NHSL2: variants seen among roughly 807,000 people sequenced by gnomAD.
NHSL2 encodes NHS like 2.
In NHSL2, 27 loss-of-function variants were observed where a neutral mutation model predicts 53.4. The ratio of observed to expected loss-of-function variants is 0.51; its 90% CI spans 0.37 to 0.70. NHSL2 has a LOEUF of 0.70. Ranked by LOEUF, NHSL2 falls within the 30% of genes least tolerant of loss-of-function variation. NHSL2 has a pLI of 0.00. For missense variants in NHSL2, 892 were observed against 980.1 expected, an observed-to-expected ratio of 0.91 and a Z score of 1.20; for synonymous variants, 408 against 404.1, an observed-to-expected ratio of 1.01 and a Z score of -0.12.
At chrX:72,076,036 C>T (rs781426174) in intron 1 of NHSL2, among the ~76,000 whole-genome samples, 1 of 110,627 alleles carries the variant, frequency 9.0e-6, no homozygotes, top group Non-Finnish European at 1.9e-5. Flanking sequence ...TGGGTTCAAG[C>T]GATTCTCCTG....
chrX:72,004,820 A>G (rs1011777135), intron 1 of NHSL2, among the ~76,000 whole-genome samples: 5 of 107,244 alleles, frequency 4.7e-5, no homozygotes, highest in Non-Finnish European at 9.7e-5. Context: ...CAGCAAGATA[A>G]TGTCTGAGAA....
At chrX:71,995,440 A>T (rs1038583366) in intron 1 of NHSL2, among the ~76,000 whole-genome samples, 1 of 106,051 alleles carries the variant, frequency 9.4e-6, no homozygotes, top group African/African-American at 3.3e-5. Flanking sequence ...ACTCTATCTG[A>T]CCCCCTGACC....
At chrX:72,015,460 T>C (rs1412510062) in intron 1 of NHSL2, among the ~76,000 whole-genome samples, 1 of 112,570 alleles carries the variant, frequency 8.9e-6, no homozygotes, top group African/African-American at 3.2e-5. Flanking sequence ...AATCTTTCAA[T>C]AAACATCCAT....
At chrX:72,113,490 A>G (rs1254127911) in intron 1 of NHSL2, among the ~76,000 whole-genome samples, 4 of 112,012 alleles carry the variant, frequency 3.6e-5, no homozygotes, top group Non-Finnish European at 1.9e-5. Context: ...ATTAGAGGGA[A>G]CTTACTTACA....
At chrX:72,090,701 C>T (rs2041888937) in intron 1 of NHSL2, among the ~76,000 whole-genome samples, 1 of 111,155 alleles carries the variant, frequency 9.0e-6, no homozygotes, top group Admixed American at 9.6e-5. Flanking sequence ...GCTCCTCCCT[C>T]AAGAGGCAAA....
At chrX:72,131,705 G>A in intron 1 of NHSL2, 1 of 425,073 alleles carries the variant, frequency 2.4e-6, no homozygotes. Context: ...GAGCTCGGAG[G>A]GCGGCGCTCT....
At chrX:72,054,326 C>T (rs1240334081) in intron 1 of NHSL2, among the ~76,000 whole-genome samples, 2 of 111,425 alleles carry the variant, frequency 1.8e-5, no homozygotes, top group African/African-American at 6.5e-5. Flanking sequence ...ACTCCCATCT[C>T]TCCAGTGCAA....
At chrX:72,019,557 C>T (rs747674708) in intron 1 of NHSL2, among the ~76,000 whole-genome samples, 2 of 112,132 alleles carry the variant, frequency 1.8e-5, no homozygotes, top group East Asian at 2.8e-4. Context: ...AGTAATTTGT[C>T]GAATGAATGA....
At chrX:72,096,559 C>T (rs983336175) in intron 1 of NHSL2, among the ~76,000 whole-genome samples, 5 of 112,067 alleles carry the variant, frequency 4.5e-5, no homozygotes, top group Admixed American at 9.4e-5. Flanking sequence ...TTATGTTGAA[C>T]GCAGAATTCC....
At chrX:71,931,361 T>C (rs975952156) in intron 1 of NHSL2, among the ~76,000 whole-genome samples, 2 of 112,643 alleles carry the variant, frequency 1.8e-5, no homozygotes, top group African/African-American at 6.5e-5. Context: ...AGAAGTTTTT[T>C]AAATTTGATG....
intron 6 of NHSL2, chrX:72,141,055 C>T: frequency 4.3e-6 from 1 of 231,530 alleles, no homozygotes; most frequent in East Asian, 9.4e-5. Context: ...GGTTCTAGCA[C>T]CCTAGGACTT....
chrX:71,953,843 T>C (rs966781542), intron 1 of NHSL2, among the ~76,000 whole-genome samples: 1 of 112,219 alleles, frequency 8.9e-6, no homozygotes, highest in Non-Finnish European at 1.9e-5. Flanking sequence ...AAGGCAGAAA[T>C]GGTGTGCCTA....
At chrX:72,083,926 C>G (rs1210976683) in intron 1 of NHSL2, among the ~76,000 whole-genome samples, 1 of 112,024 alleles carries the variant, frequency 8.9e-6, no homozygotes, top group Non-Finnish European at 1.9e-5. Context: ...CTTACTCCCC[C>G]TGCCCACACA....
chrX:71,963,985 A>G lies in NHSL2; in HGVS notation c.280+52618A>G, dbSNP rs947087622. ...CACATATATATATACATATATATAT[A>G]TATATATGTATATACATATATATAT... On this transcript the variant is annotated intron_variant, in intron 1 of 7. Transcript: ENST00000633930. 6.3e-3 allele frequency among the ~76,000 whole-genome samples: 408 copies of G among 64,394 alleles called. 14 individuals carry two copies. Among genetic ancestry groups the G allele is most frequent in the African/African-American group, 0.028 (385 of 13,831 alleles). The allele number at this position is 64,394 out of a possible 115,157, so 55.9% of individuals were successfully genotyped here. A position where few individuals can be genotyped will look rare whatever the true frequency, so the allele number is the denominator to read the frequency against.
At chrX:72,030,323 C>G (rs1450428394) in intron 1 of NHSL2, among the ~76,000 whole-genome samples, 1 of 112,478 alleles carries the variant, frequency 8.9e-6, no homozygotes, top group Non-Finnish European at 1.9e-5. Context: ...CTGATCAATA[C>G]CACTGGGGTT....
intron 1 of NHSL2, among the ~76,000 whole-genome samples, chrX:71,984,892 C>G (rs756246877): frequency 9.6e-6 from 1 of 103,670 alleles, no homozygotes; most frequent in Non-Finnish European, 1.9e-5. Context: ...GGCACGATCT[C>G]GGCTCACTGC....
intron 1 of NHSL2, among the ~76,000 whole-genome samples, chrX:71,992,382 A>G (rs758371714): frequency 9.0e-6 from 1 of 111,248 alleles, no homozygotes; most frequent in African/African-American, 3.3e-5. Flanking sequence ...GGAGGTGAGG[A>G]AGGAAAAGGG....
intron 1 of NHSL2, among the ~76,000 whole-genome samples, chrX:72,049,279 T>C (rs1296893334): frequency 1.8e-5 from 2 of 111,680 alleles, no homozygotes; most frequent in Non-Finnish European, 3.8e-5. Context: ...AGAAAGAACC[T>C]GGTGGCCCAG....
intron 1 of NHSL2, among the ~76,000 whole-genome samples, chrX:72,111,489 C>T (rs1363403224): frequency 1.8e-5 from 2 of 112,640 alleles, no homozygotes; most frequent in Non-Finnish European, 3.8e-5. Flanking sequence ...TGGACACACT[C>T]ATAGCAACCC....
Sources: allele counts gnomAD v4.1 joint callset (sites outside exome capture counted in the v4.1 genomes callset), GRCh38; gene constraint gnomAD v4.1.1; transcripts MANE v1.5; gene names NCBI Gene and HGNC (gene_info 2026-07-23, HGNC 2026-07-21).